Variants in DGKK observed in about 807,000 individuals in gnomAD.
DGKK encodes the protein 142 kDa diacylglycerol kinase.
Under a neutral mutation model 92.2 loss-of-function variants are expected in DGKK, and 35 were observed. The ratio of observed to expected loss-of-function variants is 0.38; its 90% CI spans 0.29 to 0.50. DGKK has a LOEUF of 0.50. Among genes scored for constraint, DGKK ranks in the 20% least tolerant of loss-of-function variants. The probability of loss-of-function intolerance (pLI) is 0.92; values close to 1 mark genes in which losing one functional copy is unlikely to be tolerated. For synonymous variants in DGKK, 368 were observed against 360.6 expected, an observed-to-expected ratio of 1.02 and a Z score of -0.23; for missense variants, 910 against 992.2, an observed-to-expected ratio of 0.92 and a Z score of 1.11.
At chrX:50,467,963 T>A (rs1557234122) in intron 1 of DGKK, among the ~76,000 whole-genome samples, 1 of 112,143 alleles carries the variant, frequency 8.9e-6, no homozygotes, top group Non-Finnish European at 1.9e-5. Context: ...CTTAACCCCA[T>A]TCTACAGATA....
rs782799657 is a variant in DGKK, at chrX:50,470,115, A to C, written c.564T>G (p.Thr188=). The C allele has an allele frequency of 3.3e-6, 4 of 1,211,855 alleles. No individual in the cohort carries two copies. ...GCGAGGTCTTTAGACCTCTCTCTCG[A>C]GTGTCCACCGGACATTGCAATAGAC... The part of the protein sequence containing the change: ...APCLLQCPVD[T]RERGLKTSPS... Residue 188 remains threonine, a synonymous_variant, in exon 1 of 28, where the codon ACT becomes ACG. Transcript: ENST00000611977.
intron 4 of DGKK, among the ~76,000 whole-genome samples, chrX:50,414,148 C>G (rs1031199679): frequency 1.8e-5 from 2 of 111,225 alleles, no homozygotes; most frequent in African/African-American, 3.3e-5. Context: ...TATATGGAAT[C>G]TGATAAAGTT....
Position 50,401,142 on chromosome X carries a change from G to C in DGKK, c.1309-3C>G. On this transcript the variant is annotated splice_polypyrimidine_tract_variant and splice_region_variant and intron_variant, in intron 7 of 27. Transcript: ENST00000611977. ...CGTCTCCTACAGTCATCATGCACCTGAAACGACAAGAGAAGAGCAGAGAAA... is the reference window on the plus strand; with the variant it reads ...CGTCTCCTACAGTCATCATGCACCTCAAACGACAAGAGAAGAGCAGAGAAA... 8.4e-7 allele frequency: 1 copy of C among 1,185,743 alleles called. No individual in the cohort carries two copies. The highest frequency in any genetic ancestry group is 1.9e-5 in the South Asian group (1 of 53,853).
At chrX:50,392,599 G>A in intron 9 of DGKK, 150 bp from the exon 10 acceptor site, 1 of 468,446 alleles carries the variant, frequency 2.1e-6, no homozygotes. Context: ...CTGTCTGTGG[G>A]ATCTAAGACC....
Position 50,420,392 on chromosome X carries a change from A to G in DGKK, c.942+11T>C. 1 of 1,193,174 alleles carries G rather than the reference A, an allele frequency of 8.4e-7. No individual in the cohort carries two copies. ...TTAAGAATTGTGTGGCTTCTCTACT[A>G]GTTTTCTTACCTTATAAATTTCTCC... is the stretch of plus-strand genomic sequence containing the variant. On this transcript the variant is annotated intron_variant, in intron 4 of 27. Coordinates refer to ENST00000611977, the MANE Select transcript of DGKK (RefSeq NM_001013742.4).
At chrX:50,387,783 G>A in intron 13 of DGKK, 130 bp from the exon 14 acceptor site, 1 of 457,540 alleles carries the variant, frequency 2.2e-6, no homozygotes, top group African/African-American at 2.4e-5. Flanking sequence ...CTCACCCTCT[G>A]CTCCCAGCCT....
intron 3 of DGKK, among the ~76,000 whole-genome samples, chrX:50,420,853 G>C (rs552002627): frequency 1.2e-4 from 13 of 111,795 alleles, no homozygotes; most frequent in South Asian, 3.8e-4. Context: ...GACAAAAAGA[G>C]TTAAATGATT....
rs376674620 is a variant in DGKK, at chrX:50,395,023, G to A, written c.1412-1688C>T. On this transcript the variant is annotated intron_variant, in intron 8 of 27. Transcript: ENST00000611977. Reference sequence around the variant, plus strand: ...GAATAGTATGGTTATTGTGGAGTGAGTGGGGGGGGAGTGGCAGAAGATGAG... The same window carrying A: ...GAATAGTATGGTTATTGTGGAGTGAATGGGGGGGGAGTGGCAGAAGATGAG... Among the ~76,000 whole-genome samples the A allele has an allele frequency of 4.5e-5, 5 of 110,258 alleles. No individual in the cohort carries two copies. The East Asian group carries it at 1.1e-3, about 25-fold the overall frequency.
At chrX:50,443,305 A>T (rs1557231429) in intron 1 of DGKK, among the ~76,000 whole-genome samples, 1 of 111,343 alleles carries the variant, frequency 9.0e-6, no homozygotes, top group East Asian at 2.8e-4. Flanking sequence ...TTCCACTGTG[A>T]CATCCCTATG....
chrX:50,440,039 C>T (rs1312890223), intron 1 of DGKK, among the ~76,000 whole-genome samples: 1 of 111,532 alleles, frequency 9.0e-6, no homozygotes, highest in African/African-American at 3.3e-5. Flanking sequence ...AAATTTAGCA[C>T]ATTGACATTT....
rs185539762 is a variant in DGKK at position 50,450,317 on chromosome X, T to G, written c.645+19717A>C. On this transcript the variant is annotated intron_variant, in intron 1 of 27. Coordinates refer to ENST00000611977, the MANE Select transcript of DGKK (RefSeq NM_001013742.4). ...TTACTTGACCACATCATACACTGGC[T>G]GTTTAGTTTCCAACTGCCATTTATA... is the stretch of plus-strand genomic sequence containing the variant. Among the ~76,000 whole-genome samples the G allele has an allele frequency of 8.0e-5, 9 of 112,143 alleles. No homozygotes were observed. In the South Asian group the frequency reaches 3.3e-3, roughly 41 times the overall value.
intron 8 of DGKK, among the ~76,000 whole-genome samples, chrX:50,396,070 C>T (rs1276279880): frequency 8.9e-6 from 1 of 112,025 alleles, no homozygotes; most frequent in Non-Finnish European, 1.9e-5. Flanking sequence ...CTAAATTATT[C>T]ATCATAGTGG....
At chrX:50,377,231 C>T (rs938622883) in intron 22 of DGKK, among the ~76,000 whole-genome samples, 2 of 112,658 alleles carry the variant, frequency 1.8e-5, no homozygotes, top group South Asian at 7.4e-4. Context: ...GGCATCATGA[C>T]TGACAAGACA....
At chrX:50,371,608 A>C (rs1557223190) in intron 26 of DGKK, 116 bp downstream of exon 26, 1 of 501,259 alleles carries the variant, frequency 2.0e-6, no homozygotes, top group African/African-American at 2.4e-5. Context: ...CTTCAGTTTA[A>C]AGCCAGCACT....
Position 50,369,012 on chromosome X carries a change from T to C in DGKK, c.3744A>G (p.Leu1248=). ...GQSVQSFIGN[L]WHRRHREDEA... is the part of the protein sequence containing the mutation. Reference sequence around the variant, plus strand: ...CATCTTCACGATGTCTGCGGTGCCATAAATTGCCTTCAGAGGAAAAAAAAT... The same window carrying C: ...CATCTTCACGATGTCTGCGGTGCCACAAATTGCCTTCAGAGGAAAAAAAAT... The change falls in exon 28 of 28, where the codon TTA becomes TTG. Residue 1248 remains leucine, a synonymous_variant. Coordinates refer to ENST00000611977, the MANE Select transcript of DGKK (RefSeq NM_001013742.4). 2 of 1,206,135 alleles carry C rather than the reference T, an allele frequency of 1.7e-6. No individual in the cohort carries two copies. The highest frequency in any genetic ancestry group is 2.2e-6 in the Non-Finnish European group (2 of 892,334).
At chrX:50,408,646 G>A (rs782063783) in intron 4 of DGKK, among the ~76,000 whole-genome samples, 1 of 111,105 alleles carries the variant, frequency 9.0e-6, no homozygotes, top group South Asian at 3.9e-4. Flanking sequence ...GCCTCCCAAA[G>A]TGCTGGGATT....
intron 15 of DGKK, 67 bp downstream of exon 15, chrX:50,386,291 C>G (rs1197449607): frequency 1.2e-6 from 1 of 854,815 alleles, no homozygotes; most frequent in Non-Finnish European, 1.7e-6. Flanking sequence ...GTCAGTGAGG[C>G]CAGTAAACCA....
rs1478801634 is a variant in DGKK, at chrX:50,401,067, G to C, written c.1381C>G (p.Pro461Ala). 5.0e-6 allele frequency: 6 copies of C among 1,199,366 alleles called. No individual in the cohort carries two copies. In the African/African-American group the frequency reaches 1.1e-4, roughly 21 times the overall value. ...CCTTTGGGGTCGCTTAGAGCAGTGG[G>C]AGGAATGACTGATGAGCGATGGCTT... ...FRSHRSSVIP[P>A]TALSDPKGDG... is the part of the protein sequence containing the mutation. The change falls in exon 8 of 28, where the codon CCC (proline) becomes GCC (alanine). Residue 461 changes from proline to alanine, a missense_variant. By Grantham distance (27) the Pro-to-Ala change is conservative. Coordinates refer to ENST00000611977, the MANE Select transcript of DGKK (RefSeq NM_001013742.4).
intron 25 of DGKK, among the ~76,000 whole-genome samples, chrX:50,374,690 G>A (rs782496090): frequency 4.5e-5 from 5 of 111,032 alleles, no homozygotes; most frequent in South Asian, 7.7e-4. Context: ...TATCAAGTAC[G>A]GTAACACTCT....
Sources: allele counts gnomAD v4.1 joint callset (sites outside exome capture counted in the v4.1 genomes callset), GRCh38; gene constraint gnomAD v4.1.1; transcripts MANE v1.5; gene names NCBI Gene and HGNC (gene_info 2026-07-23, HGNC 2026-07-21).